Variants in IKBKB observed in about 807,000 individuals in gnomAD.
The protein encoded by IKBKB is inhibitor of nuclear factor kappa-B kinase subunit beta.
Under a neutral mutation model 113.6 loss-of-function variants are expected in IKBKB, and 42 were observed. The ratio of observed to expected loss-of-function variants is 0.37; its 90% CI spans 0.29 to 0.48. The LOEUF (loss-of-function observed/expected upper bound fraction) is 0.48, where lower values mean the gene tolerates loss of function less well. Ranked by LOEUF, IKBKB falls within the 20% of genes least tolerant of loss-of-function variation. The probability of loss-of-function intolerance (pLI) is 0.99; values close to 1 mark genes in which losing one functional copy is unlikely to be tolerated. For missense variants in IKBKB, 673 were observed against 939.7 expected (o/e 0.72, Z 3.71); for synonymous variants, 296 against 361.3 (o/e 0.82, Z 2.05).
At chr8:42,311,691 G>T (rs889584459) in intron 8 of IKBKB, among the ~76,000 whole-genome samples, 1 of 152,162 alleles carries the variant, frequency 6.6e-6, no homozygotes, top group Non-Finnish European at 1.5e-5. Context: ...AGTGAGGGAG[G>T]TGTCTGCCCT....
chr8:42,301,581 C>T (rs897479462), intron 5 of IKBKB, among the ~76,000 whole-genome samples: 1 of 152,144 alleles, frequency 6.6e-6, no homozygotes, highest in African/African-American at 2.4e-5. Flanking sequence ...GTAACAATAC[C>T]TGTTGGATTC....
intron 6 of IKBKB, among the ~76,000 whole-genome samples, chr8:42,305,485 CTCAAGTTGCAGGAA>C (rs2130523759): frequency 1.3e-5 from 2 of 152,354 alleles, no homozygotes; most frequent in South Asian, 4.1e-4. Context: ...TTGTTAGTTG[CTCAAGTTGCAGGAA>C]TCTGATAAGG....
At position 42,319,356 on chromosome 8, in the gene IKBKB, A is replaced by C; in HGVS notation, c.1451A>C (p.Asp484Ala). ...TCTCAGCAGCTCAAGGCCAAGTTGG[A>C]TTTCTTCAAAACCAGCATCCAGATT... ...SMSQQLKAKLDFFKTSIQIDL... is the reference protein window; with the variant it reads ...SMSQQLKAKLAFFKTSIQIDL... The change falls in exon 14 of 22, where the codon GAT becomes GCT. Residue 484 changes from aspartate (D) to alanine (A), a missense_variant. This residue lies in a region of IKBKB where 506 missense variants were observed against 638.7 expected (regional missense o/e 0.79). Transcript: ENST00000520810. 1 of 1,614,168 alleles carries C rather than the reference A, an allele frequency of 6.2e-7. No homozygotes were observed. Among genetic ancestry groups the C allele is most frequent in the South Asian group, 1.1e-5 (1 of 91,082 alleles).
chr8:42,303,511 C>CT (rs1018224008), intron 5 of IKBKB, among the ~76,000 whole-genome samples: 43 of 137,874 alleles, frequency 3.1e-4, no homozygotes, highest in Admixed American at 4.3e-4. Flanking sequence ...TTTTCTTTTT[C>CT]TTTTTTTTTT....
intron 5 of IKBKB, among the ~76,000 whole-genome samples, chr8:42,295,492 T>A (rs1343631876): frequency 6.6e-6 from 1 of 152,134 alleles, no homozygotes; most frequent in East Asian, 1.9e-4. Flanking sequence ...TTTGGGGGGC[T>A]GATGCGGGTG....
chr8:42,298,386 T>G, intron 5 of IKBKB: 2 of 985,444 alleles, frequency 2.0e-6, no homozygotes, highest in Non-Finnish European at 2.4e-6. Context: ...CTTCTCGAGC[T>G]GCTCCTAGCA....
Position 42,320,623 on chromosome 8 carries a change from A to T in IKBKB, c.1579-112A>T, listed in dbSNP as rs1437866828. ...AGTCCACATTCCTTTGAGCCAGTCC[A>T]TTGAGGGTCCTCAGGGAATGTGGCG... is the stretch of plus-strand genomic sequence containing the variant. On this transcript the variant is annotated intron_variant, in intron 15 of 21. Transcript: ENST00000520810. The T allele has an allele frequency of 3.5e-6, 3 of 855,940 alleles. No homozygotes were observed. The Admixed American group carries it at 5.5e-5, about 16-fold the overall frequency. 53.0% of individuals were successfully genotyped at this position (855,940 alleles called of 1,614,324 possible). A position where few individuals can be genotyped will look rare whatever the true frequency, so the allele number is the denominator to read the frequency against.
At position 42,274,153 on chromosome 8, in the gene IKBKB, C is replaced by T. The variant is rs1216929187; in HGVS notation, c.105+1948C>T. Reference sequence around the variant, plus strand: ...TCAAGTGATTCTCCTGCCTCAGCCTCCTGAGTACCTGGAATTACAGGTGTG... The same window carrying T: ...TCAAGTGATTCTCCTGCCTCAGCCTTCTGAGTACCTGGAATTACAGGTGTG... On this transcript the variant is annotated intron_variant, in intron 2 of 21. Coordinates refer to ENST00000520810, the MANE Select transcript of IKBKB (RefSeq NM_001556.3). Among the ~76,000 whole-genome samples, 4 of 151,996 alleles carry T rather than the reference C, an allele frequency of 2.6e-5. No individual in the cohort carries two copies. In the East Asian group the frequency reaches 7.8e-4, roughly 30 times the overall value.
chr8:42,331,659 C>T lies in IKBKB; in HGVS notation c.*680C>T. ...GCAAAGTTGGAGCGAGTGCCAAGCT[C>T]TCCATCTGTGGTCCTTTCTGCCAAG... On this transcript the variant is annotated 3_prime_UTR_variant, in exon 22 of 22. Coordinates refer to ENST00000520810, the MANE Select transcript of IKBKB (RefSeq NM_001556.3). The T allele has an allele frequency of 3.8e-6, 2 of 527,248 alleles. No homozygotes were observed. The highest frequency in any genetic ancestry group is 6.8e-6 in the Non-Finnish European group (2 of 292,812). The allele number at this position is 527,248 out of a possible 1,614,324, so 32.7% of individuals were successfully genotyped here. A position where few individuals can be genotyped will look rare whatever the true frequency, so the allele number is the denominator to read the frequency against.
chr8:42,290,360 C>A, intron 4 of IKBKB, 87 bp downstream of exon 4: 1 of 879,632 alleles, frequency 1.1e-6, no homozygotes, highest in Non-Finnish European at 1.8e-6. Context: ...TCACTTCTGT[C>A]ATCATCAGGA....
intron 5 of IKBKB, among the ~76,000 whole-genome samples, chr8:42,303,104 AGAGAGAGAGAGAGAAT>A (rs1815702707): frequency 6.6e-6 from 1 of 151,136 alleles, no homozygotes; most frequent in Non-Finnish European, 1.5e-5. Flanking sequence ...AGAGAGAGAG[AGAGAGAGAGAGAGAAT>A]GAGAGAGAGA....
At position 42,316,290 on chromosome 8, in the gene IKBKB, A is replaced by G. The variant is rs759786790; in HGVS notation, c.881A>G (p.Tyr294Cys). 1.2e-6 allele frequency: 2 copies of G among 1,614,166 alleles called. No individual in the cohort carries two copies. The highest frequency in any genetic ancestry group is 2.2e-5 in the East Asian group (1 of 44,880). The change falls in exon 10 of 22, where the codon TAT becomes TGT. Residue 294 changes from tyrosine to cysteine, a missense_variant. Tyr to Cys is a radical substitution (Grantham distance 194, BLOSUM62 -2). Transcript: ENST00000520810. This position sits in a 1 kb window ranked among gnomAD's most constrained non-coding sequence, Gnocchi z 4.5. ...HPRQRGTDPT[Y>C]GPNGCFKALD... ...CGACAGAGGGGCACGGATCCCACGT[A>G]TGGGCCCAATGGCTGCTTCAAGGCC...
intron 3 of IKBKB, among the ~76,000 whole-genome samples, 182 bp downstream of exon 3, chr8:42,288,910 C>T (rs975805065): frequency 1.2e-4 from 18 of 152,098 alleles, no homozygotes; most frequent in Non-Finnish European, 2.6e-4. Flanking sequence ...GGTGAAACCC[C>T]GTCTCTACTA....
chr8:42,319,257 G>C lies in IKBKB; in HGVS notation c.1365-13G>C. 6.2e-7 allele frequency: 1 copy of C among 1,613,632 alleles called. No individual in the cohort carries two copies. The highest frequency in any genetic ancestry group is 1.1e-5 in the South Asian group (1 of 91,064). On this transcript the variant is annotated splice_polypyrimidine_tract_variant and intron_variant, in intron 13 of 21. Transcript: ENST00000520810. ...CAGAGATGCTCCAAGACTGTTCCTT[G>C]TGGTCCCTGCAGGATGAATCTCCTC...
intron 5 of IKBKB, among the ~76,000 whole-genome samples, chr8:42,294,856 A>G (rs903128870): frequency 4.6e-5 from 7 of 152,018 alleles, no homozygotes; most frequent in African/African-American, 1.7e-4. Flanking sequence ...TCACCCATCC[A>G]TGTTTTGCTT....
At position 42,316,738 on chromosome 8, in the gene IKBKB, G is replaced by A; in HGVS notation, c.959G>A (p.Gly320Asp). 1 of 1,613,528 alleles carries A rather than the reference G, an allele frequency of 6.2e-7. No individual in the cohort carries two copies. Among genetic ancestry groups the A allele is most frequent in the Non-Finnish European group, 8.5e-7 (1 of 1,179,564 alleles). Residue 320 changes from glycine to aspartate, a missense_variant, in exon 11 of 22, where the codon GGC (glycine) becomes GAC (aspartate). By Grantham distance (94) the Gly-to-Asp change is moderately conservative. Transcript: ENST00000520810. This position sits in a 1 kb window ranked among gnomAD's most constrained non-coding sequence, Gnocchi z 4.5. ...GTTCATATCTTGAACATGGTCACGG[G>A]CACCATCCACACCTACCCTGTGACA... ...KLVHILNMVT[G>D]TIHTYPVTED...
At chr8:42,299,779 G>A (rs556434239) in intron 5 of IKBKB, among the ~76,000 whole-genome samples, 10 of 152,366 alleles carry the variant, frequency 6.6e-5, no homozygotes, top group Admixed American at 2.6e-4. Context: ...GAGCCTGCCC[G>A]TCCTTTGGGC....
intron 14 of IKBKB, 62 bp downstream of exon 14, chr8:42,319,483 G>C (rs757050151): frequency 1.2e-6 from 2 of 1,602,892 alleles, no homozygotes; most frequent in South Asian, 2.2e-5. Context: ...CTCTTTCTAA[G>C]GTTTCTTTTG....
Position 42,320,766 on chromosome 8 carries a change from T to C in IKBKB, c.1610T>C (p.Met537Thr), listed in dbSNP as rs200924684. ...GAAGTGAAACTCCTGGTAGAACGGA[T>C]GATGGCTCTGCAGACCGACATTGTG... is the stretch of plus-strand genomic sequence containing the variant. ...ENEVKLLVER[M>T]MALQTDIVDL... Residue 537 changes from methionine (M) to threonine (T), a missense_variant, in exon 16 of 22, where the codon ATG becomes ACG. Transcript: ENST00000520810. The C allele has an allele frequency of 9.9e-6, 16 of 1,612,622 alleles. No homozygotes were observed. The highest frequency in any genetic ancestry group is 8.5e-6 in the Non-Finnish European group (10 of 1,179,218).
Sources: allele counts gnomAD v4.1 joint callset (sites outside exome capture counted in the v4.1 genomes callset), GRCh38; gene constraint gnomAD v4.1.1; regional missense constraint gnomAD v4.1.1; non-coding constraint Gnocchi (gnomAD v3.1); transcripts MANE v1.5; gene names NCBI Gene and HGNC (gene_info 2026-07-23, HGNC 2026-07-21).